The following LMNTD1 variants were observed in gnomAD, a reference collection of about 807,000 sequenced individuals.
The protein encoded by LMNTD1 is lamin tail domain-containing protein 1.
A neutral mutation model predicts 50.9 loss-of-function variants in LMNTD1; 35 were observed. The observed-to-expected ratio is 0.69, with a 90% CI of 0.53 to 0.91. The LOEUF is 0.91. Among genes scored for constraint, LMNTD1 ranks in the 40% least tolerant of loss-of-function variants. The pLI is 0.00. For missense variants in LMNTD1, 470 were observed against 475.5 expected (o/e 0.99, Z 0.11); for synonymous variants, 153 against 161.9 (o/e 0.94, Z 0.42).
At chr12:25,602,159 G>A (rs1395715671) in intron 1 of LMNTD1, among the ~76,000 whole-genome samples, 2 of 151,830 alleles carry the variant, frequency 1.3e-5, no homozygotes, top group South Asian at 2.1e-4. Flanking sequence ...CCATAATTTA[G>A]TATCTTTTAG....
At position 25,619,976 on chromosome 12, in the gene LMNTD1, T is replaced by A. The variant is rs1035368925; in HGVS notation, c.58+28518A>T. Among the ~76,000 whole-genome samples the A allele has an allele frequency of 2.6e-4, 40 of 152,232 alleles. 1 individual carries two copies. Among genetic ancestry groups the A allele is most frequent in the Admixed American group, 2.6e-3 (40 of 15,290 alleles). Reference sequence around the variant, plus strand: ...AGCCCTTCAAGGGAATCCTTTGAACTTAGTATCTCCAAAAGCCTTAGCTTT... The same window carrying A: ...AGCCCTTCAAGGGAATCCTTTGAACATAGTATCTCCAAAAGCCTTAGCTTT... On this transcript the variant is annotated intron_variant, in intron 1 of 7. Transcript: ENST00000445693.
At chr12:25,478,954 T>C (rs1938357615) in intron 9 of LMNTD1, among the ~76,000 whole-genome samples, 1 of 152,118 alleles carries the variant, frequency 6.6e-6, no homozygotes, top group African/African-American at 2.4e-5. Flanking sequence ...CTACCTGGAT[T>C]GAGCTGTTGT....
chr12:25,520,145 CATATATATATATATAT>C (rs71065950), intron 6 of LMNTD1, 70 bp from the exon 7 acceptor site: 6 of 234,194 alleles, frequency 2.6e-5, no homozygotes, highest in Admixed American at 1.2e-4. Context: ...ATGAGATATA[CATATATATATATATAT>C]ATATATATAT....
At chr12:25,480,940 C>T (rs1591814536) in intron 9 of LMNTD1, among the ~76,000 whole-genome samples, 2 of 152,314 alleles carry the variant, frequency 1.3e-5, no homozygotes, top group East Asian at 3.9e-4. Context: ...AGTCAAGAAT[C>T]TTTAGGCATC....
chr12:25,551,929 C>A (rs1943767752), intron 2 of LMNTD1, among the ~76,000 whole-genome samples: 1 of 152,186 alleles, frequency 6.6e-6, no homozygotes, highest in South Asian at 2.1e-4. Flanking sequence ...AAAACAGGGG[C>A]AGTTACAAAA....
intron 6 of LMNTD1, among the ~76,000 whole-genome samples, chr12:25,525,594 G>T (rs1375407372): frequency 6.6e-6 from 1 of 152,090 alleles, no homozygotes; most frequent in Non-Finnish European, 1.5e-5. Flanking sequence ...TTGCCAAATT[G>T]TAAGTAACTC....
intron 1 of LMNTD1, chr12:25,630,828 G>T (rs994971988): frequency 2.0e-5 from 3 of 152,284 alleles, no homozygotes; most frequent in Non-Finnish European, 2.9e-5. Context: ...CTCGTGGCTA[G>T]AACTCAGGGG....
chr12:25,616,743 C>T (rs562531941), intron 1 of LMNTD1, among the ~76,000 whole-genome samples: 11 of 151,996 alleles, frequency 7.2e-5, no homozygotes, highest in African/African-American at 2.2e-4. Context: ...AAAAAGGCCA[C>T]GTATGTTATG....
chr12:25,511,531 T>C (rs1940296350), intron 8 of LMNTD1, among the ~76,000 whole-genome samples: 1 of 152,188 alleles, frequency 6.6e-6, no homozygotes, highest in Non-Finnish European at 1.5e-5. Context: ...AATCAGAAGT[T>C]CAGAATAGAA....
chr12:25,577,424 T>C (rs945862628), intron 1 of LMNTD1, among the ~76,000 whole-genome samples: 2 of 152,126 alleles, frequency 1.3e-5, no homozygotes, highest in Admixed American at 1.3e-4. Context: ...AAGTTGGATT[T>C]CTAGGTATTT....
rs1048040638 is a variant in LMNTD1, at chr12:25,548,749, G to C, written c.310+577C>G. ...GAGAAACAAACACCCTAGAGCATGG[G>C]TATTGCTGAGCACATTGTTGATAAT... is the stretch of plus-strand genomic sequence containing the variant. On this transcript the variant is annotated intron_variant, in intron 3 of 9. Transcript: ENST00000458174. Among the ~76,000 whole-genome samples the C allele has an allele frequency of 3.3e-5, 5 of 151,910 alleles. No individual in the cohort carries two copies. The South Asian group carries it at 1.0e-3, about 31-fold the overall frequency.
At chr12:25,542,385 G>T (rs1433527498) in intron 4 of LMNTD1, among the ~76,000 whole-genome samples, 2 of 150,500 alleles carry the variant, frequency 1.3e-5, no homozygotes, top group South Asian at 2.1e-4. Flanking sequence ...GGAATACTAT[G>T]CAGCCATAAA....
At chr12:25,558,726 A>G (rs12314302) in intron 1 of LMNTD1, among the ~76,000 whole-genome samples, 2,591 of 152,294 alleles carry the variant, frequency 0.017, 66 homozygotes, top group South Asian at 0.08. Context: ...GGCGGCAGGC[A>G]AGAGAGCATG....
chr12:25,636,384 C>T (rs1003814824), intron 1 of LMNTD1, among the ~76,000 whole-genome samples: 1 of 152,072 alleles, frequency 6.6e-6, no homozygotes, highest in Admixed American at 6.5e-5. Context: ...TGAAAAAATG[C>T]TCAACATCAG....
chr12:25,556,888 A>C (rs767432198), upstream of LMNTD1, among the ~76,000 whole-genome samples: 2 of 152,250 alleles, frequency 1.3e-5, no homozygotes, highest in Non-Finnish European at 1.5e-5. Context: ...GAAGATTTGC[A>C]CAGCAAGAGA....
chr12:25,640,695 C>G (rs905177221), intron 1 of LMNTD1, among the ~76,000 whole-genome samples: 2 of 151,528 alleles, frequency 1.3e-5, no homozygotes, highest in African/African-American at 4.8e-5. Flanking sequence ...GAGTCTCGCT[C>G]TGTCGCCCAG....
intron 4 of LMNTD1, among the ~76,000 whole-genome samples, chr12:25,534,172 T>C (rs1942415140): frequency 6.6e-6 from 1 of 152,090 alleles, no homozygotes; most frequent in Non-Finnish European, 1.5e-5. Flanking sequence ...CTGTCAGATA[T>C]TAAACAAATC....
intron 9 of LMNTD1, among the ~76,000 whole-genome samples, chr12:25,489,838 TTA>T (rs1321243902): frequency 2.0e-5 from 3 of 152,164 alleles, no homozygotes; most frequent in African/African-American, 4.8e-5. Flanking sequence ...TCCAAAATCT[TTA>T]TGTTGAAAAA....
At chr12:25,506,510 A>C (rs985394431) in intron 8 of LMNTD1, among the ~76,000 whole-genome samples, 1 of 152,154 alleles carries the variant, frequency 6.6e-6, no homozygotes, top group Non-Finnish European at 1.5e-5. Flanking sequence ...ATTTAACTTG[A>C]ATTACAGAAG....
Sources: gnomAD v4.1 joint callset for allele counts (sites outside exome capture counted in the v4.1 genomes callset) on GRCh38, gnomAD v4.1.1 for gene constraint, MANE v1.5 for transcripts, NCBI Gene and HGNC (gene_info 2026-07-23, HGNC 2026-07-21) for gene names.